ZNF385D: variants seen among roughly 807,000 people sequenced by gnomAD.
ZNF385D encodes the protein zinc finger protein 659.
Under a neutral mutation model 35.8 loss-of-function variants are expected in ZNF385D, and 15 were observed. The observed-to-expected ratio is 0.42, with a 90% CI of 0.28 to 0.64. ZNF385D has a LOEUF of 0.64. Among genes scored for constraint, ZNF385D ranks in the 30% least tolerant of loss-of-function variants. ZNF385D has a pLI of 0.23. For missense variants in ZNF385D, 474 were observed against 494.6 expected (o/e 0.96, Z 0.39); for synonymous variants, 212 against 186.8 (o/e 1.13, Z -1.10).
At chr3:21,605,166 T>TC (rs1311725864) in intron 2 of ZNF385D, among the ~76,000 whole-genome samples, 3 of 151,934 alleles carry the variant, frequency 2.0e-5, no homozygotes, top group Non-Finnish European at 4.4e-5. Flanking sequence ...AGAAATGAGA[T>TC]CATTGGAGGG....
In ZNF385D at chr3:22,181,026, T is replaced by C. The variant is rs148976945; in HGVS notation, c.107-11991A>G. Among the ~76,000 whole-genome samples the C allele has an allele frequency of 8.9e-4, 135 of 151,874 alleles. 1 individual carries two copies. Among genetic ancestry groups the C allele is most frequent in the African/African-American group, 3.1e-3 (130 of 41,314 alleles). ...TTGATTCTGTCTTCTTAAAATATAT[T>C]TTAATACTTTGGTGATTTCAACTGC... On this transcript the variant is annotated intron_variant, in intron 2 of 5. Coordinates refer to the ZNF385D transcript ENST00000494108.
intron 2 of ZNF385D, among the ~76,000 whole-genome samples, chr3:22,209,591 T>C (rs1014412648): frequency 6.6e-6 from 1 of 152,008 alleles, no homozygotes; most frequent in South Asian, 2.1e-4. Flanking sequence ...GTAAATTTTA[T>C]TGCATTTTTC....
intron 2 of ZNF385D, among the ~76,000 whole-genome samples, chr3:21,619,190 C>T (rs2064931413): frequency 6.6e-6 from 1 of 152,166 alleles, no homozygotes. Context: ...TGTTTCTTAT[C>T]CCATAAGTAT....
chr3:22,088,648 G>C (rs2125597033), intron 3 of ZNF385D, among the ~76,000 whole-genome samples: 1 of 152,282 alleles, frequency 6.6e-6, no homozygotes, highest in Non-Finnish European at 1.5e-5. Context: ...ACCTTGGATG[G>C]AGCTGTGTGG....
chr3:21,612,696 T>G (rs1480304921), intron 2 of ZNF385D, among the ~76,000 whole-genome samples: 6 of 152,200 alleles, frequency 3.9e-5, no homozygotes, highest in Non-Finnish European at 7.4e-5. Flanking sequence ...TCAAAAGACA[T>G]CTATCCTGCA....
intron 3 of ZNF385D, among the ~76,000 whole-genome samples, chr3:22,085,139 G>A (rs956123785): frequency 1.3e-5 from 2 of 152,020 alleles, no homozygotes; most frequent in Non-Finnish European, 2.9e-5. Context: ...ATCTAAAATC[G>A]ACACCCTAAC....
intron 2 of ZNF385D, among the ~76,000 whole-genome samples, chr3:22,188,703 G>A (rs980071184): frequency 6.6e-6 from 1 of 152,132 alleles, no homozygotes; most frequent in South Asian, 2.1e-4. Flanking sequence ...GCCTGTCTCA[G>A]ACTCCCAAAG....
At chr3:21,791,125 T>C (rs1384707226) in intron 3 of ZNF385D, among the ~76,000 whole-genome samples, 2 of 152,216 alleles carry the variant, frequency 1.3e-5, no homozygotes, top group African/African-American at 2.4e-5. Flanking sequence ...TAAATGCCTT[T>C]ATAAAGGTCA....
intron 3 of ZNF385D, among the ~76,000 whole-genome samples, chr3:21,941,490 C>CTTT (rs531693623): frequency 3.2e-3 from 202 of 63,624 alleles, no homozygotes; most frequent in African/African-American, 6.3e-3. Flanking sequence ...TTCCATTACT[C>CTTT]TTTTTTTTTT....
intron 2 of ZNF385D, among the ~76,000 whole-genome samples, chr3:21,605,306 A>G (rs1245146507): frequency 6.6e-6 from 1 of 152,248 alleles, no homozygotes; most frequent in African/African-American, 2.4e-5. Context: ...TGGACTCAGT[A>G]TAAATGTTGA....
intron 1 of ZNF385D, among the ~76,000 whole-genome samples, chr3:21,736,773 A>C (rs1289487547): frequency 1.3e-5 from 2 of 152,202 alleles, no homozygotes; most frequent in East Asian, 3.8e-4. Flanking sequence ...GTTCTATCCT[A>C]CAAATCCATG....
At chr3:22,095,847 T>A (rs978578545) in intron 3 of ZNF385D, among the ~76,000 whole-genome samples, 39 of 148,562 alleles carry the variant, frequency 2.6e-4, no homozygotes, top group African/African-American at 7.3e-4. Context: ...AAGCATTTTT[T>A]AATTCAACAT....
intron 3 of ZNF385D, among the ~76,000 whole-genome samples, chr3:21,530,805 A>G (rs2061903518): frequency 6.6e-6 from 1 of 152,170 alleles, no homozygotes. Context: ...ACCACCTCTG[A>G]GAGAAGCGCA....
At chr3:22,179,131 G>T (rs1202813333) in intron 2 of ZNF385D, among the ~76,000 whole-genome samples, 1 of 152,124 alleles carries the variant, frequency 6.6e-6, no homozygotes, top group Admixed American at 6.5e-5. Flanking sequence ...GAAGGTCATT[G>T]GTAGCTTGAT....
At chr3:22,234,612 C>T (rs1231859756) in intron 2 of ZNF385D, among the ~76,000 whole-genome samples, 1 of 151,974 alleles carries the variant, frequency 6.6e-6, no homozygotes, top group East Asian at 1.9e-4. Flanking sequence ...GTGTCAACTC[C>T]TTCTGAATTA....
At chr3:21,715,906 C>G (rs148436982) in intron 1 of ZNF385D, among the ~76,000 whole-genome samples, 2 of 152,094 alleles carry the variant, frequency 1.3e-5, no homozygotes, top group Non-Finnish European at 1.5e-5. Flanking sequence ...ATTTTAAAAG[C>G]CTTGCATGTC....
chr3:21,714,113 C>T (rs2068222429), intron 1 of ZNF385D, among the ~76,000 whole-genome samples: 1 of 152,154 alleles, frequency 6.6e-6, no homozygotes. Context: ...CTACTCCTGC[C>T]TTCACCCATA....
At chr3:21,758,999 A>C (rs984934350) in intron 3 of ZNF385D, among the ~76,000 whole-genome samples, 1 of 149,352 alleles carries the variant, frequency 6.7e-6, no homozygotes, top group South Asian at 2.1e-4. Context: ...AAAAAAAAAA[A>C]AAAAAAACAG....
chr3:21,694,677 C>T (rs1160128307), intron 1 of ZNF385D, among the ~76,000 whole-genome samples: 1 of 152,124 alleles, frequency 6.6e-6, no homozygotes, highest in Non-Finnish European at 1.5e-5. Context: ...TGCATCTAGA[C>T]AAAAGATGAA....
Sources: allele counts gnomAD v4.1 joint callset (sites outside exome capture counted in the v4.1 genomes callset), GRCh38; gene constraint gnomAD v4.1.1; transcripts MANE v1.5; gene names NCBI Gene and HGNC (gene_info 2026-07-23, HGNC 2026-07-21).